Variants in EIF4G3 observed in about 807,000 individuals in gnomAD.
EIF4G3 encodes the protein eIF-4-gamma 3.
A neutral mutation model predicts 186.4 loss-of-function variants in EIF4G3; 34 were observed. The ratio of observed to expected loss-of-function variants is 0.18; its 90% confidence interval spans 0.14 to 0.24. The LOEUF is 0.24. Ranked by LOEUF, EIF4G3 falls within the 10% of genes least tolerant of loss-of-function variation. The pLI is 1.00. For synonymous variants in EIF4G3, 673 were observed against 679.5 expected, an observed-to-expected ratio of 0.99 and a Z score of 0.15; for missense variants, 1,536 against 1,948.5, an observed-to-expected ratio of 0.79 and a Z score of 3.99.
chr1:20,825,360 C>T (rs145654842), intron 32 of EIF4G3, among the ~76,000 whole-genome samples, 162 bp from the exon 33 acceptor site: 1 of 151,988 alleles, frequency 6.6e-6, no homozygotes, highest in East Asian at 1.9e-4. Context: ...CCTGTATAGT[C>T]CTAGCTACTA....
chr1:20,855,685 G>T (rs114801920), intron 25 of EIF4G3, among the ~76,000 whole-genome samples: 2 of 152,112 alleles, frequency 1.3e-5, no homozygotes, highest in African/African-American at 2.4e-5. Flanking sequence ...TAACATAAAA[G>T]CTGTAATGTA....
At chr1:21,064,081 A>G (rs1323309668) in intron 3 of EIF4G3, among the ~76,000 whole-genome samples, 1 of 152,092 alleles carries the variant, frequency 6.6e-6, no homozygotes, top group Non-Finnish European at 1.5e-5. Flanking sequence ...CATTAATTTT[A>G]TAGTGAGCAA....
At chr1:21,027,038 G>A (rs572272146) in intron 4 of EIF4G3, among the ~76,000 whole-genome samples, 22 of 151,106 alleles carry the variant, frequency 1.5e-4, no homozygotes, top group Non-Finnish European at 1.8e-4. Context: ...CAAAGGACAC[G>A]AATAGACATT....
chr1:21,049,636 T>C (rs1481346819), intron 4 of EIF4G3, among the ~76,000 whole-genome samples: 1 of 152,186 alleles, frequency 6.6e-6, no homozygotes, highest in African/African-American at 2.4e-5. Context: ...CCAAACATTC[T>C]ATAGTCTAAA....
At chr1:21,059,996 G>T (rs1260280829) in intron 3 of EIF4G3, among the ~76,000 whole-genome samples, 5 of 152,364 alleles carry the variant, frequency 3.3e-5, no homozygotes, top group Admixed American at 3.3e-4. Context: ...CACCTAGGCA[G>T]GTGTATAGTG....
At chr1:21,071,475 C>A (rs1020725471) in intron 3 of EIF4G3, among the ~76,000 whole-genome samples, 2 of 152,156 alleles carry the variant, frequency 1.3e-5, no homozygotes, top group Non-Finnish European at 2.9e-5. Context: ...TCCTGACACT[C>A]CACAGAAGGT....
chr1:21,126,036 T>G (rs1031277054), intron 2 of EIF4G3, among the ~76,000 whole-genome samples: 2 of 151,532 alleles, frequency 1.3e-5, no homozygotes, highest in Admixed American at 1.3e-4. Flanking sequence ...AAACCGTGTC[T>G]CTACAACAAT....
At chr1:20,955,851 G>A (rs942450087) in intron 12 of EIF4G3, among the ~76,000 whole-genome samples, 3 of 152,124 alleles carry the variant, frequency 2.0e-5, no homozygotes, top group Non-Finnish European at 4.4e-5. Flanking sequence ...ATAAGGTTTG[G>A]AAGTCATGGG....
chr1:20,807,738 A>G (rs979615324), intron 36 of EIF4G3, among the ~76,000 whole-genome samples: 1 of 147,594 alleles, frequency 6.8e-6, no homozygotes, highest in African/African-American at 2.5e-5. Context: ...ATTTTGTACA[A>G]TTTGAACTTT....
chr1:21,028,802 A>G lies in EIF4G3; in HGVS notation c.-67+22064T>C, dbSNP rs897797319. On this transcript the variant is annotated intron_variant, in intron 4 of 36. Coordinates refer to ENST00000602326, the MANE Select transcript of EIF4G3 (RefSeq NM_001391906.1). ...ACAGTTCAGGATATGACTGAAAGTC[A>G]ATTAGTGATTACTAAAAAGATTATC... is the stretch of plus-strand genomic sequence containing the variant. 3.9e-4 allele frequency among the ~76,000 whole-genome samples: 59 copies of G among 152,366 alleles called. 1 individual carries two copies. The highest frequency in any genetic ancestry group is 1.4e-3 in the African/African-American group (59 of 41,592).
intron 30 of EIF4G3, among the ~76,000 whole-genome samples, chr1:20,835,358 C>T (rs1188816818): frequency 6.6e-6 from 1 of 151,736 alleles, no homozygotes; most frequent in African/African-American, 2.4e-5. Flanking sequence ...CAAATTAGCA[C>T]AGGGAAGGAA....
intron 30 of EIF4G3, among the ~76,000 whole-genome samples, chr1:20,835,331 A>C (rs1213929711): frequency 1.3e-5 from 2 of 152,302 alleles, no homozygotes; most frequent in African/African-American, 4.8e-5. Context: ...CTAGAAAAAG[A>C]AGAACAAACT....
chr1:20,836,476 G>A (rs2066796387), intron 30 of EIF4G3, among the ~76,000 whole-genome samples: 1 of 152,108 alleles, frequency 6.6e-6, no homozygotes, highest in Admixed American at 6.5e-5. Context: ...TGAACTCCTG[G>A]CCTTAAGCCA....
intron 4 of EIF4G3, among the ~76,000 whole-genome samples, chr1:21,016,222 C>T (rs2088992567): frequency 6.6e-6 from 1 of 152,164 alleles, no homozygotes; most frequent in Admixed American, 6.5e-5. Flanking sequence ...CCTTAAAATA[C>T]ATATTTATAA....
Position 20,941,782 on chromosome 1 carries a change from T to C in EIF4G3, c.1372A>G (p.Ile458Val). 1 of 1,612,852 alleles carries C rather than the reference T, an allele frequency of 6.2e-7. No homozygotes were observed. The highest frequency in any genetic ancestry group is 8.5e-7 in the Non-Finnish European group (1 of 1,179,398). The change falls in exon 14 of 37, where the codon ATC (isoleucine) becomes GTC (valine). Residue 458 changes from isoleucine (I) to valine (V), a missense_variant. This residue lies in a region of EIF4G3 where 560 missense variants were observed against 547.8 expected (regional missense o/e 1.02). Coordinates refer to ENST00000602326, the MANE Select transcript of EIF4G3 (RefSeq NM_001391906.1). ...NPPEEMKLEC[I>V]PAPITPSTVP... ...GTGGAAGGGGTGATGGGAGCTGGGA[T>C]ACACTCCAGTTTCATTTCTTCTGGG...
At chr1:20,903,961 C>T (rs922361282) in intron 15 of EIF4G3, among the ~76,000 whole-genome samples, 1 of 152,136 alleles carries the variant, frequency 6.6e-6, no homozygotes, top group African/African-American at 2.4e-5. Context: ...ATTTACATTG[C>T]TCTTCATTTA....
At chr1:20,964,666 T>C (rs1045362106) in intron 12 of EIF4G3, among the ~76,000 whole-genome samples, 1 of 152,236 alleles carries the variant, frequency 6.6e-6, no homozygotes, top group Non-Finnish European at 1.5e-5. Context: ...CTTTTAGGGC[T>C]AGCATATGTT....
intron 10 of EIF4G3, among the ~76,000 whole-genome samples, chr1:20,973,996 A>C (rs2076362921): frequency 6.6e-6 from 1 of 152,194 alleles, no homozygotes; most frequent in South Asian, 2.1e-4. Context: ...GAGAAAGAAG[A>C]CTCAAGGAAA....
At chr1:20,921,746 T>A (rs1397860683) in intron 14 of EIF4G3, among the ~76,000 whole-genome samples, 1 of 152,226 alleles carries the variant, frequency 6.6e-6, no homozygotes, top group Non-Finnish European at 1.5e-5. Flanking sequence ...AGCTAAATGT[T>A]TGGACTCTTT....
Sources: gnomAD v4.1 joint callset for allele counts (sites outside exome capture counted in the v4.1 genomes callset) on GRCh38, gnomAD v4.1.1 for gene constraint, gnomAD v4.1.1 regional missense constraint, MANE v1.5 for transcripts, NCBI Gene and HGNC (gene_info 2026-07-23, HGNC 2026-07-21) for gene names.